The following MTUS2 variants were observed in gnomAD, a reference collection of about 807,000 sequenced individuals.
MTUS2 encodes microtubule-associated tumor suppressor candidate 2.
In MTUS2, 40 loss-of-function variants were observed where a neutral mutation model predicts 114.1. The ratio of observed to expected loss-of-function variants is 0.35; its 90% CI spans 0.27 to 0.46. MTUS2 has a LOEUF of 0.46. Ranked by LOEUF, MTUS2 falls within the 20% of genes least tolerant of loss-of-function variation. The pLI is 1.00. For missense variants in MTUS2, 1,679 were observed against 1,705.4 expected (o/e 0.98, Z 0.27); for synonymous variants, 688 against 672.0 (o/e 1.02, Z -0.37).
intron 4 of MTUS2, among the ~76,000 whole-genome samples, chr13:29,095,399 T>C (rs766380066): frequency 6.6e-6 from 1 of 152,192 alleles, no homozygotes; most frequent in Non-Finnish European, 1.5e-5. Context: ...CATTGTGAAC[T>C]ATCCCTCTTC....
intron 4 of MTUS2, among the ~76,000 whole-genome samples, chr13:29,080,640 C>G (rs1222033741): frequency 6.6e-6 from 1 of 152,238 alleles, no homozygotes; most frequent in African/African-American, 2.4e-5. Flanking sequence ...TCTGGCTGCA[C>G]TGGCAGCTGA....
chr13:29,259,762 AG>A (rs1436432906), intron 5 of MTUS2, among the ~76,000 whole-genome samples: 1 of 152,248 alleles, frequency 6.6e-6, no homozygotes, highest in Non-Finnish European at 1.5e-5. Flanking sequence ...TTTCTATTAA[AG>A]AAGACTTTCA....
chr13:28,986,750 G>C (rs1348949820), intron 2 of MTUS2, among the ~76,000 whole-genome samples: 3 of 152,162 alleles, frequency 2.0e-5, no homozygotes, highest in South Asian at 4.1e-4. Flanking sequence ...TGTGTTCAGT[G>C]TTCATCACTC....
chr13:29,493,092 A>G lies in MTUS2; in HGVS notation c.3579+373A>G, dbSNP rs150237184. ...GTGTTCTAGGCAGGGGTAACGGTGC[A>G]AGGAGGGTTGTGCAGGTCAGAATTC... On this transcript the variant is annotated intron_variant, in intron 12 of 15. Transcript: ENST00000612955. 2.4e-4 allele frequency among the ~76,000 whole-genome samples: 36 copies of G among 152,322 alleles called. 1 individual carries two copies. In the East Asian group the frequency reaches 6.8e-3, roughly 29 times the overall value.
chr13:29,011,241 TACTC>T (rs1426804419), intron 2 of MTUS2, among the ~76,000 whole-genome samples: 1 of 152,200 alleles, frequency 6.6e-6, no homozygotes, highest in East Asian at 1.9e-4. Context: ...AATTCATACT[TACTC>T]AGGTTTGTGC....
At chr13:29,363,240 C>T (rs1483268278) in intron 8 of MTUS2, among the ~76,000 whole-genome samples, 1 of 152,160 alleles carries the variant, frequency 6.6e-6, no homozygotes, top group Non-Finnish European at 1.5e-5. Context: ...CACCCTGCAG[C>T]ATGGAGTTTT....
chr13:28,940,781 G>A (rs17648596), intron 2 of MTUS2, among the ~76,000 whole-genome samples: 7,677 of 152,100 alleles, frequency 0.05, 317 homozygotes, highest in Non-Finnish European at 0.065. Flanking sequence ...AGAAAACTAC[G>A]CCAAACAAAT....
chr13:29,235,987 T>G (rs1394182975), intron 5 of MTUS2, among the ~76,000 whole-genome samples: 3 of 152,218 alleles, frequency 2.0e-5, no homozygotes, highest in Non-Finnish European at 4.4e-5. Context: ...CATATTGTTC[T>G]TAAAATTTTA....
intron 5 of MTUS2, among the ~76,000 whole-genome samples, chr13:29,234,322 CCACACGTGATATTGGTAAATG>C (rs1440404208): frequency 6.6e-6 from 1 of 152,100 alleles, no homozygotes; most frequent in Admixed American, 6.5e-5. Context: ...GAAGACTCCT[CCACACGTGATATTGGTAAATG>C]CACATAGACT....
Position 29,393,555 on chromosome 13 carries a change from G to A in MTUS2, c.3117+34082G>A, listed in dbSNP as rs184401252. Among the ~76,000 whole-genome samples the A allele has an allele frequency of 4.8e-4, 73 of 152,272 alleles. 1 individual carries two copies. Among genetic ancestry groups the A allele is most frequent in the East Asian group, 3.7e-3 (19 of 5,182 alleles). ...CCCCTGCAGTCAGGCAGCCACCAAC[G>A]CAGAAGCCACATGGGGAAAAGATCA... is the stretch of plus-strand genomic sequence containing the variant. On this transcript the variant is annotated intron_variant, in intron 8 of 15. Coordinates refer to ENST00000612955, the MANE Select transcript of MTUS2 (RefSeq NM_001033602.4).
chr13:28,958,213 G>C (rs1473986759), intron 2 of MTUS2, among the ~76,000 whole-genome samples: 3 of 152,256 alleles, frequency 2.0e-5, no homozygotes, highest in Non-Finnish European at 4.4e-5. Context: ...GCCTATCTGT[G>C]ATCTCCGGCT....
At chr13:28,821,701 C>G (rs1171104669) in intron 1 of MTUS2, among the ~76,000 whole-genome samples, 2 of 152,216 alleles carry the variant, frequency 1.3e-5, no homozygotes, top group African/African-American at 4.8e-5. Context: ...CCTGGTGATT[C>G]TAACGTGTAG....
chr13:29,222,966 G>A (rs570692673), intron 5 of MTUS2, among the ~76,000 whole-genome samples: 20 of 152,166 alleles, frequency 1.3e-4, no homozygotes, highest in Non-Finnish European at 2.8e-4. Context: ...AACGAACATG[G>A]GACAGAGGCC....
chr13:29,371,451 C>T (rs1220797883), intron 8 of MTUS2, among the ~76,000 whole-genome samples: 3 of 152,198 alleles, frequency 2.0e-5, no homozygotes, highest in African/African-American at 7.2e-5. Context: ...CTCCTGACCT[C>T]AGGCGATCTG....
intron 5 of MTUS2, among the ~76,000 whole-genome samples, chr13:29,130,867 G>T (rs996896347): frequency 1.3e-5 from 2 of 152,168 alleles, no homozygotes; most frequent in East Asian, 1.9e-4. Context: ...CGCGTGATCC[G>T]CCTGCCTCAG....
At chr13:29,006,240 G>T (rs1272218524) in intron 2 of MTUS2, among the ~76,000 whole-genome samples, 1 of 152,158 alleles carries the variant, frequency 6.6e-6, no homozygotes, top group African/African-American at 2.4e-5. Context: ...TGGGCACAGA[G>T]CACTCTGCAC....
intron 8 of MTUS2, among the ~76,000 whole-genome samples, chr13:29,436,018 C>T (rs1877381312): frequency 6.6e-6 from 1 of 152,212 alleles, no homozygotes; most frequent in Non-Finnish European, 1.5e-5. Context: ...TAATGTGCAA[C>T]TCACAAAACA....
At chr13:29,456,257 A>G (rs551017554) in intron 9 of MTUS2, among the ~76,000 whole-genome samples, 3 of 152,314 alleles carry the variant, frequency 2.0e-5, no homozygotes, top group South Asian at 4.1e-4. Context: ...TGGAGACTGC[A>G]GAAAAGAGTC....
intron 2 of MTUS2, among the ~76,000 whole-genome samples, chr13:28,980,859 A>T (rs907483495): frequency 1.3e-5 from 2 of 152,194 alleles, no homozygotes; most frequent in African/African-American, 4.8e-5. Flanking sequence ...AAGCATGGCC[A>T]TGTAATTTTT....
Sources: allele counts gnomAD v4.1 joint callset (sites outside exome capture counted in the v4.1 genomes callset), GRCh38; gene constraint gnomAD v4.1.1; transcripts MANE v1.5; gene names NCBI Gene and HGNC (gene_info 2026-07-23, HGNC 2026-07-21).